The following M6PR variants were observed in gnomAD, a reference collection of about 807,000 sequenced individuals.
M6PR encodes the protein cation-dependent mannose-6-phosphate receptor.
In M6PR, 19 loss-of-function variants were observed where a neutral mutation model predicts 33.1. The observed-to-expected ratio is 0.57, with a 90% CI of 0.40 to 0.84. M6PR has a LOEUF of 0.84. Among genes scored for constraint, M6PR ranks in the 40% least tolerant of loss-of-function variants. The pLI is 0.00. For synonymous variants in M6PR, 111 were observed against 123.4 expected, an observed-to-expected ratio of 0.90 and a Z score of 0.67; for missense variants, 295 against 336.0, an observed-to-expected ratio of 0.88 and a Z score of 0.95.
chr12:8,942,279 T>G (rs752254597), intron 6 of M6PR, 137 bp downstream of exon 6: 90 of 1,189,936 alleles, frequency 7.6e-5, no homozygotes, highest in Non-Finnish European at 1.0e-4. Flanking sequence ...GCAACTGTCT[T>G]GTTTGCTGGG....
Position 8,949,536 on chromosome 12 carries a change from C to G in M6PR, c.-50G>C, listed in dbSNP as rs918866463. The G allele has an allele frequency of 6.6e-6, 1 of 152,118 alleles. No homozygotes were observed. Among genetic ancestry groups the G allele is most frequent in the Non-Finnish European group, 1.5e-5 (1 of 68,092 alleles). The allele number at this position is 152,118 out of a possible 1,614,324, so 9.4% of individuals were successfully genotyped here. A position where few individuals can be genotyped will look rare whatever the true frequency, so the allele number is the denominator to read the frequency against. On this transcript the variant is annotated 5_prime_UTR_variant, in exon 1 of 7. Coordinates refer to ENST00000000412, the MANE Select transcript of M6PR (RefSeq NM_002355.4). The surrounding 1 kb of genome is among the most constrained non-coding windows in gnomAD (Gnocchi z 5.6). ...CAAAGCTCAGAATCCCCAGTGAATA[C>G]CCTTCTGGGGATGGGAGACGGGGCC...
At chr12:8,948,149 A>G (rs1371423538) in intron 1 of M6PR, among the ~76,000 whole-genome samples, 2 of 152,254 alleles carry the variant, frequency 1.3e-5, no homozygotes, top group Non-Finnish European at 2.9e-5. Context: ...CACCTCAGCC[A>G]TTAGCTGAGT....
intron 1 of M6PR, among the ~76,000 whole-genome samples, chr12:8,947,357 C>T (rs1021593352): frequency 1.3e-5 from 2 of 152,138 alleles, no homozygotes; most frequent in African/African-American, 4.8e-5. Context: ...GCCGTGAATG[C>T]ACTTTCCCCA....
At position 8,941,750 on chromosome 12, in the gene M6PR, T is replaced by C. The variant is rs1425812384; in HGVS notation, c.*68A>G. 11 of 1,597,696 alleles carry C rather than the reference T, an allele frequency of 6.9e-6. No homozygotes were observed. Among genetic ancestry groups the C allele is most frequent in the Non-Finnish European group, 9.4e-6 (11 of 1,165,890 alleles). Reference sequence around the variant, plus strand: ...GATGAGGGACTGGAGTTGAGACTGCTTGAGAAATCTGGCTGTGTAGCTTTG... The same window carrying C: ...GATGAGGGACTGGAGTTGAGACTGCCTGAGAAATCTGGCTGTGTAGCTTTG... On this transcript the variant is annotated 3_prime_UTR_variant, in exon 7 of 7. Coordinates refer to ENST00000000412, the MANE Select transcript of M6PR (RefSeq NM_002355.4).
Position 8,943,550 on chromosome 12 carries a change from G to A in M6PR, c.454-15C>T, listed in dbSNP as rs762624993. ...TTAAAATTGTCCTGATGATGAGATG[G>A]CATAACACATTCAGGTGGTTAAGTG... On this transcript the variant is annotated splice_polypyrimidine_tract_variant and intron_variant, in intron 4 of 6. Transcript: ENST00000000412. 6.2e-7 allele frequency: 1 copy of A among 1,614,066 alleles called. No homozygotes were observed. The highest frequency in any genetic ancestry group is 1.7e-5 in the Admixed American group (1 of 60,024).
At position 8,946,108 on chromosome 12, in the gene M6PR, A is replaced by T. The variant is rs1946089481; in HGVS notation, c.176+121T>A. 6 of 977,872 alleles carry T rather than the reference A, an allele frequency of 6.1e-6. No individual in the cohort carries two copies. In the Admixed American group the frequency reaches 1.6e-4, roughly 26 times the overall value. 60.6% of individuals were successfully genotyped at this position (977,872 alleles called of 1,614,324 possible). ...TGAGAAAACTGCACACAGCAACTAA[A>T]AACTGGGCTGAGAATTTGCTCTATG... On this transcript the variant is annotated intron_variant, in intron 2 of 6. Coordinates refer to ENST00000000412, the MANE Select transcript of M6PR (RefSeq NM_002355.4).
chr12:8,942,735 A>G (rs1333778640), intron 5 of M6PR, among the ~76,000 whole-genome samples, 193 bp from the exon 6 acceptor site: 1 of 152,210 alleles, frequency 6.6e-6, no homozygotes, highest in East Asian at 1.9e-4. Context: ...AGTCCAAGAG[A>G]AGCAAAGGCC....
chr12:8,946,390 G>A lies in M6PR; in HGVS notation c.15C>T (p.Tyr5=). Residue 5 remains tyrosine (Y), a synonymous_variant, in exon 2 of 7, where the codon TAC becomes TAT. Coordinates refer to ENST00000000412, the MANE Select transcript of M6PR (RefSeq NM_002355.4). ...GTAGCAGTCCAGTCCTCCAGCAGCT[G>A]TAGAAAGGGAACATCCTTTGGGAGA... The part of the protein sequence containing the change: MFPF[Y]SCWRTGLLLL... 6.2e-7 allele frequency: 1 copy of A among 1,612,282 alleles called. No homozygotes were observed. The highest frequency in any genetic ancestry group is 8.5e-7 in the Non-Finnish European group (1 of 1,179,344).
chr12:8,942,237 G>T, intron 6 of M6PR, 179 bp downstream of exon 6: 1 of 777,446 alleles, frequency 1.3e-6, no homozygotes, highest in Non-Finnish European at 2.0e-6. Context: ...GGCCAGAAAT[G>T]GATGCTGTGC....
rs1946012148 is a variant in M6PR, at chr12:8,941,773, T to G, written c.*45A>C. ...GCTTGAGAAATCTGGCTGTGTAGCT[T>G]TGGTTTGGGGGACTGAGGAAGAGGC... On this transcript the variant is annotated 3_prime_UTR_variant, in exon 7 of 7. Transcript: ENST00000000412. The G allele has an allele frequency of 6.2e-7, 1 of 1,608,910 alleles. No individual in the cohort carries two copies. Among genetic ancestry groups the G allele is most frequent in the African/African-American group, 1.3e-5 (1 of 74,894 alleles).
At chr12:8,947,748 T>C (rs904535421) in intron 1 of M6PR, among the ~76,000 whole-genome samples, 1 of 152,092 alleles carries the variant, frequency 6.6e-6, no homozygotes, top group Non-Finnish European at 1.5e-5. Context: ...GCTCCAGAGC[T>C]CATGGTCTGT....
intron 1 of M6PR, 34 bp from the exon 2 acceptor site, chr12:8,946,439 T>C (rs757359104): frequency 2.6e-6 from 4 of 1,561,038 alleles, no homozygotes; most frequent in Non-Finnish European, 3.5e-6. Context: ...GGAGGGCAGG[T>C]AGGATCAGGA....
chr12:8,941,701 A>C lies in M6PR; in HGVS notation c.*117T>G. ...AGATGCAAATCAAAAGCAAACTGGAAAGCAAGAGCAATAGTAAGGGTGAGA... is the reference window on the plus strand; with the variant it reads ...AGATGCAAATCAAAAGCAAACTGGACAGCAAGAGCAATAGTAAGGGTGAGA... On this transcript the variant is annotated 3_prime_UTR_variant, in exon 7 of 7. Coordinates refer to ENST00000000412, the MANE Select transcript of M6PR (RefSeq NM_002355.4). 1 of 1,311,158 alleles carries C rather than the reference A, an allele frequency of 7.6e-7. No individual in the cohort carries two copies. Among genetic ancestry groups the C allele is most frequent in the Admixed American group, 2.0e-5 (1 of 51,130 alleles). The allele number at this position is 1,311,158 out of a possible 1,614,324, so 81.2% of individuals were successfully genotyped here.
intron 3 of M6PR, 105 bp downstream of exon 3, chr12:8,945,313 A>G (rs1946077946): frequency 2.5e-6 from 3 of 1,191,856 alleles, no homozygotes; most frequent in Non-Finnish European, 3.7e-6. Flanking sequence ...AACCACACGT[A>G]TGATATGCTG....
At chr12:8,945,328 C>A in intron 3 of M6PR, 90 bp downstream of exon 3, 1 of 1,362,254 alleles carries the variant, frequency 7.3e-7, no homozygotes, top group Non-Finnish European at 1.0e-6. Flanking sequence ...ATGCTGAAGA[C>A]ACTAGAAACG....
chr12:8,947,186 C>T (rs1411186454), intron 1 of M6PR, among the ~76,000 whole-genome samples: 1 of 152,178 alleles, frequency 6.6e-6, no homozygotes, highest in East Asian at 1.9e-4. Flanking sequence ...AAAAACGCTG[C>T]AAGTCTGGAC....
intron 3 of M6PR, among the ~76,000 whole-genome samples, chr12:8,944,137 A>G (rs1328819455): frequency 6.6e-6 from 1 of 152,228 alleles, no homozygotes; most frequent in African/African-American, 2.4e-5. Flanking sequence ...AATAATCTTA[A>G]TTTTTAACAT....
At position 8,942,250 on chromosome 12, in the gene M6PR, C is replaced by T. The variant is rs1238806127; in HGVS notation, c.711+166G>A. ...AAGGCCAGAAATGGATGCTGTGCCA[C>T]TTACTACTCTGTACTAGGGCAACTG... is the stretch of plus-strand genomic sequence containing the variant. On this transcript the variant is annotated intron_variant, in intron 6 of 6. Transcript: ENST00000000412. The T allele has an allele frequency of 3.5e-6, 3 of 869,420 alleles. No homozygotes were observed. The East Asian group carries it at 7.9e-5, about 23-fold the overall frequency. 53.9% of individuals were successfully genotyped at this position (869,420 alleles called of 1,614,324 possible).
At position 8,942,389 on chromosome 12, in the gene M6PR, A is replaced by G. The variant is rs765016242; in HGVS notation, c.711+27T>C. The G allele has an allele frequency of 4.5e-5, 73 of 1,613,996 alleles. No individual in the cohort carries two copies. The Admixed American group carries it at 9.5e-4, about 21-fold the overall frequency. ...CACCCAACCTTGTTTGCAGGCTACA[A>G]ATTCAACCAGCTGCCCTGTTACTTA... On this transcript the variant is annotated intron_variant, in intron 6 of 6. Transcript: ENST00000000412.
Sources: allele counts gnomAD v4.1 joint callset (sites outside exome capture counted in the v4.1 genomes callset), GRCh38; gene constraint gnomAD v4.1.1; non-coding constraint Gnocchi (gnomAD v3.1); transcripts MANE v1.5; gene names NCBI Gene and HGNC (gene_info 2026-07-23, HGNC 2026-07-21).